The following GABRG2 variants were observed in gnomAD, a reference collection of about 807,000 sequenced individuals.
The protein encoded by GABRG2 is gamma-aminobutyric acid receptor subunit gamma-2.
GABRG2 carries 16 observed loss-of-function variants against 56.4 expected under a neutral mutation model. The ratio of observed to expected loss-of-function variants is 0.28; its 90% CI spans 0.19 to 0.43. The LOEUF (loss-of-function observed/expected upper bound fraction) is 0.43, where lower values mean the gene tolerates loss of function less well. Among genes scored for constraint, GABRG2 ranks in the 20% least tolerant of loss-of-function variants. The probability of loss-of-function intolerance (pLI) is 1.00; values close to 1 mark genes in which losing one functional copy is unlikely to be tolerated. For missense variants in GABRG2, 327 were observed against 582.7 expected (o/e 0.56, Z 4.52); for synonymous variants, 208 against 205.5 (o/e 1.01, Z -0.10).
chr5:162,140,949 C>T (rs1026539881), intron 6 of GABRG2, among the ~76,000 whole-genome samples: 3 of 152,116 alleles, frequency 2.0e-5, no homozygotes, highest in Non-Finnish European at 4.4e-5. Flanking sequence ...TCTCATGCAT[C>T]GCTACATGGT....
chr5:162,111,533 T>A (rs919694056), intron 6 of GABRG2, among the ~76,000 whole-genome samples: 2 of 152,154 alleles, frequency 1.3e-5, no homozygotes, highest in African/African-American at 4.8e-5. Context: ...TAGTTGCATA[T>A]TCCCATAGAG....
chr5:162,085,464 C>G (rs573602822), intron 1 of GABRG2, among the ~76,000 whole-genome samples: 2 of 151,808 alleles, frequency 1.3e-5, no homozygotes, highest in Non-Finnish European at 2.9e-5. Flanking sequence ...TCTATCCTAC[C>G]CAGCATCCAT....
intron 5 of GABRG2, chr5:162,102,225 CT>C (rs1761476891): frequency 9.7e-6 from 2 of 206,800 alleles, no homozygotes; most frequent in African/African-American, 4.7e-5. Context: ...TAGAAAAATT[CT>C]CATTATAAAA....
intron 7 of GABRG2, among the ~76,000 whole-genome samples, chr5:162,147,815 T>A (rs893398650): frequency 6.6e-6 from 1 of 152,202 alleles, no homozygotes; most frequent in African/African-American, 2.4e-5. Context: ...GTAAGAAATA[T>A]AAATAACAAA....
Position 162,105,432 on chromosome 5 carries a change from C to CTTTTTTTTTTTTTT in GABRG2, c.769+1408_769+1421dup, listed in dbSNP as rs533258756. 1.3e-3 allele frequency among the ~76,000 whole-genome samples: 139 copies of CTTTTTTTTTTTTTT among 104,114 alleles called. 10 individuals are homozygous for CTTTTTTTTTTTTTT. Among genetic ancestry groups the CTTTTTTTTTTTTTT allele is most frequent in the East Asian group, 4.4e-3 (15 of 3,372 alleles). The allele number at this position is 104,114 out of a possible 152,430, so 68.3% of individuals were successfully genotyped here. A position where few individuals can be genotyped will look rare whatever the true frequency, so the allele number is the denominator to read the frequency against. ...GACCATCAAGTATTAGTAGAACAAT[C>CTTTTTTTTTTTTTT]TTTTTTTTTTTTTTTGAGAAGGAGT... On this transcript the variant is annotated intron_variant, in intron 6 of 9. Transcript: ENST00000639213.
At chr5:162,095,715 A>G (rs1348124739) in intron 3 of GABRG2, among the ~76,000 whole-genome samples, 153 bp downstream of exon 3, 1 of 152,100 alleles carries the variant, frequency 6.6e-6, no homozygotes, top group Non-Finnish European at 1.5e-5. Context: ...TTTTCTTGTA[A>G]TATGAAGATA....
chr5:162,132,304 A>G (rs1763811037), intron 6 of GABRG2, among the ~76,000 whole-genome samples: 1 of 152,030 alleles, frequency 6.6e-6, no homozygotes, highest in Non-Finnish European at 1.5e-5. Context: ...TCCAGAGTAG[A>G]TGGAAAAAGT....
At chr5:162,142,338 T>G (rs1764634399) in intron 7 of GABRG2, 22 bp downstream of exon 7, 1 of 1,613,246 alleles carries the variant, frequency 6.2e-7, no homozygotes, top group African/African-American at 1.3e-5. Context: ...TTGTTTATGT[T>G]GCAGTTTCTC....
chr5:162,098,885 T>A (rs774661558), intron 4 of GABRG2: 3 of 152,176 alleles, frequency 2.0e-5, no homozygotes, highest in Non-Finnish European at 2.9e-5. Flanking sequence ...GCAAACTCTT[T>A]TACCTTTCAT....
At chr5:162,069,103 G>A (rs560484472) in intron 1 of GABRG2, among the ~76,000 whole-genome samples, 1 of 152,084 alleles carries the variant, frequency 6.6e-6, no homozygotes, top group African/African-American at 2.4e-5. Context: ...TGAAGTGCCC[G>A]GCATTTAAAT....
At chr5:162,095,817 G>A (rs895345692) in intron 3 of GABRG2, among the ~76,000 whole-genome samples, 8 of 151,938 alleles carry the variant, frequency 5.3e-5, no homozygotes, top group East Asian at 1.9e-4. Context: ...TTCAACAATC[G>A]GTGTTTACTT....
In GABRG2 at chr5:162,093,816, G is replaced by GT; in HGVS notation, c.108-6dup. ...AATCTATGTGTTTTTTGACCAATAT[G>GT]TTTTTTCTTAGCTTCACTAGCCAGA... On this transcript the variant is annotated splice_polypyrimidine_tract_variant and intron_variant, in intron 1 of 9. Transcript: ENST00000639213. 1.2e-6 allele frequency: 2 copies of GT among 1,612,126 alleles called. No homozygotes were observed. The highest frequency in any genetic ancestry group is 1.7e-6 in the Non-Finnish European group (2 of 1,178,750).
Position 162,116,118 on chromosome 5 carries a change from G to GTA in GABRG2, c.769+12093_769+12094insAT, listed in dbSNP as rs10650652. ...CCAAGGGGTGTGCGTGCATGTGTGT[G>GTA]TGTGTGTGTGTGTGTGTGTGTGTGT... is the stretch of plus-strand genomic sequence containing the variant. On this transcript the variant is annotated intron_variant, in intron 6 of 9. Transcript: ENST00000639213. Among the ~76,000 whole-genome samples the GTA allele has an allele frequency of 7.0e-3, 891 of 126,588 alleles. 7 individuals are homozygous for GTA. The highest frequency in any genetic ancestry group is 0.022 in the African/African-American group (754 of 34,144). The allele number at this position is 126,588 out of a possible 152,430, so 83.0% of individuals were successfully genotyped here. A position where few individuals can be genotyped will look rare whatever the true frequency, so the allele number is the denominator to read the frequency against.
At chr5:162,077,292 A>G (rs893799924) in intron 1 of GABRG2, among the ~76,000 whole-genome samples, 13 of 152,208 alleles carry the variant, frequency 8.5e-5, no homozygotes, top group African/African-American at 3.1e-4. Context: ...TTTTTAACCC[A>G]GCTTCTTTTG....
chr5:162,128,711 T>A (rs1395676559), intron 6 of GABRG2, among the ~76,000 whole-genome samples: 2 of 152,022 alleles, frequency 1.3e-5, no homozygotes, highest in East Asian at 3.9e-4. Flanking sequence ...TTCAGTTTCA[T>A]CATTTCTAGG....
chr5:162,106,503 AT>A (rs1366192405), intron 6 of GABRG2, among the ~76,000 whole-genome samples: 3 of 152,096 alleles, frequency 2.0e-5, no homozygotes, highest in Admixed American at 2.0e-4. Context: ...TATTTGCTTG[AT>A]TTTTGATGCT....
intron 7 of GABRG2, among the ~76,000 whole-genome samples, chr5:162,143,246 G>A (rs951817741): frequency 1.3e-5 from 2 of 152,192 alleles, no homozygotes; most frequent in African/African-American, 4.8e-5. Flanking sequence ...GCCATTGGCT[G>A]TTGGCTATTC....
chr5:162,140,618 G>T (rs1159245392), intron 6 of GABRG2, among the ~76,000 whole-genome samples: 2 of 151,670 alleles, frequency 1.3e-5, no homozygotes, highest in African/African-American at 4.9e-5. Flanking sequence ...TAAAAGATAT[G>T]ATTTGAATTT....
intron 8 of GABRG2, chr5:162,149,565 C>CT: frequency 1.3e-6 from 1 of 758,926 alleles, no homozygotes; most frequent in Non-Finnish European, 2.4e-6. Flanking sequence ...TTTGTGGAGA[C>CT]TAAAGCCATT....
Sources: gnomAD v4.1 joint callset for allele counts (sites outside exome capture counted in the v4.1 genomes callset) on GRCh38, gnomAD v4.1.1 for gene constraint, MANE v1.5 for transcripts, NCBI Gene and HGNC (gene_info 2026-07-23, HGNC 2026-07-21) for gene names.